WWC2: variants seen among roughly 807,000 people sequenced by gnomAD.
WWC2 encodes the protein WW and C2 domain containing 2.
WWC2 carries 101 observed loss-of-function variants against 138.5 expected under a neutral mutation model. That is an observed-to-expected ratio of 0.73 (90% CI 0.62 to 0.86). WWC2 has a LOEUF of 0.86. Among genes scored for constraint, WWC2 ranks in the 40% least tolerant of loss-of-function variants. WWC2 has a pLI of 0.00. For synonymous variants in WWC2, 558 were observed against 538.4 expected, an observed-to-expected ratio of 1.04 and a Z score of -0.50; for missense variants, 1,420 against 1,419.4, an observed-to-expected ratio of 1.00 and a Z score of -0.01.
chr4:183,289,714 A>G lies in WWC2; in HGVS notation c.3384+79A>G, dbSNP rs140125484. ...GTGCCATGTAGAAGGTACCCAACTT[A>G]CACTTCTGTTTTGCGCATAAGTCTT... On this transcript the variant is annotated intron_variant, in intron 21 of 22. Transcript: ENST00000403733. 6,000 of 1,547,452 alleles carry G rather than the reference A, an allele frequency of 3.9e-3. 14 individuals are homozygous for G. Among genetic ancestry groups the G allele is most frequent in the Non-Finnish European group, 4.8e-3 (5,584 of 1,151,888 alleles).
At chr4:183,243,954 G>A (rs1412539011) in intron 5 of WWC2, among the ~76,000 whole-genome samples, 2 of 152,072 alleles carry the variant, frequency 1.3e-5, no homozygotes, top group Admixed American at 6.6e-5. Context: ...TCTATAAACC[G>A]CTCTTGTTTG....
At chr4:183,183,636 A>G (rs1734707257) in intron 1 of WWC2, among the ~76,000 whole-genome samples, 1 of 152,030 alleles carries the variant, frequency 6.6e-6, no homozygotes, top group South Asian at 2.1e-4. Context: ...CATTTAGCCA[A>G]GCGTGTTGGT....
At chr4:183,107,262 A>G (rs895378125) in intron 1 of WWC2, among the ~76,000 whole-genome samples, 13 of 151,972 alleles carry the variant, frequency 8.6e-5, no homozygotes, top group Admixed American at 7.9e-4. Flanking sequence ...CCAGGGTTCA[A>G]CAGATCCTCC....
intron 1 of WWC2, among the ~76,000 whole-genome samples, chr4:183,139,987 T>G (rs1204428630): frequency 6.6e-6 from 1 of 152,102 alleles, no homozygotes; most frequent in Non-Finnish European, 1.5e-5. Context: ...CAATTTCGTA[T>G]TTTTAGTAGA....
chr4:183,136,073 G>A (rs1180310315), intron 1 of WWC2, among the ~76,000 whole-genome samples: 2 of 151,922 alleles, frequency 1.3e-5, no homozygotes, highest in South Asian at 2.1e-4. Flanking sequence ...TTTGATGTGT[G>A]TAGGTATGGG....
At chr4:183,257,433 G>C (rs150635859) in intron 9 of WWC2, among the ~76,000 whole-genome samples, 1 of 152,134 alleles carries the variant, frequency 6.6e-6, no homozygotes, top group African/African-American at 2.4e-5. Flanking sequence ...AGGTGTGAAG[G>C]CCCACACTTC....
At chr4:183,308,981 G>T (rs2111115985) in intron 21 of WWC2, among the ~76,000 whole-genome samples, 1 of 152,182 alleles carries the variant, frequency 6.6e-6, no homozygotes, top group South Asian at 2.1e-4. Context: ...ATCAAAAAAA[G>T]ATCATCTTTT....
At chr4:183,314,870 T>G (rs1739382621) in intron 22 of WWC2, among the ~76,000 whole-genome samples, 1 of 152,216 alleles carries the variant, frequency 6.6e-6, no homozygotes, top group South Asian at 2.1e-4. Flanking sequence ...TTCTTCTCTA[T>G]CCTTTCTTAG....
intron 21 of WWC2, among the ~76,000 whole-genome samples, chr4:183,299,098 G>A (rs1738737133): frequency 1.3e-5 from 2 of 151,740 alleles, no homozygotes; most frequent in South Asian, 4.1e-4. Context: ...GAAAGTCCAA[G>A]ATCCAGAGGC....
chr4:183,292,019 C>T (rs1738467192), intron 21 of WWC2, among the ~76,000 whole-genome samples: 1 of 107,758 alleles, frequency 9.3e-6, no homozygotes, highest in African/African-American at 3.2e-5. Context: ...GACCTTGTCT[C>T]TACAAAAAAA....
chr4:183,217,845 G>A (rs1055973016), intron 4 of WWC2, among the ~76,000 whole-genome samples: 14 of 151,864 alleles, frequency 9.2e-5, no homozygotes, highest in African/African-American at 3.4e-4. Flanking sequence ...AGCAGGGGAG[G>A]AAATCACAAC....
At chr4:183,104,139 T>G (rs1743278917) in intron 1 of WWC2, among the ~76,000 whole-genome samples, 2 of 152,056 alleles carry the variant, frequency 1.3e-5, no homozygotes, top group Non-Finnish European at 2.9e-5. Context: ...TTTCGTAGTT[T>G]TTTTTAGTAG....
At chr4:183,103,548 G>A (rs150604001) in intron 1 of WWC2, among the ~76,000 whole-genome samples, 1 of 149,532 alleles carries the variant, frequency 6.7e-6, no homozygotes, top group Non-Finnish European at 1.5e-5. Flanking sequence ...GGCTGGTCTC[G>A]AACTCCTGAC....
chr4:183,163,524 G>A (rs1258347957), intron 1 of WWC2, among the ~76,000 whole-genome samples: 2 of 152,204 alleles, frequency 1.3e-5, no homozygotes, highest in Admixed American at 6.5e-5. Flanking sequence ...GATCTGGTTT[G>A]GGGGCATGAC....
At position 183,223,795 on chromosome 4, in the gene WWC2, A is replaced by G. The variant is rs111750640; in HGVS notation, c.522+14770A>G. ...ACCCAGGCTGAAGGGCAGTGCGGCA[A>G]TCTCGGCTCACTGCAACGTCTGCCT... is the stretch of plus-strand genomic sequence containing the variant. On this transcript the variant is annotated intron_variant, in intron 4 of 22. Coordinates refer to ENST00000403733, the MANE Select transcript of WWC2 (RefSeq NM_024949.6). Among the ~76,000 whole-genome samples the G allele has an allele frequency of 1.6e-3, 246 of 152,258 alleles. 1 individual carries two copies. The highest frequency in any genetic ancestry group is 5.5e-3 in the African/African-American group (229 of 41,538).
chr4:183,124,400 C>T (rs954503549), intron 1 of WWC2, among the ~76,000 whole-genome samples: 5 of 151,218 alleles, frequency 3.3e-5, no homozygotes, highest in Non-Finnish European at 7.4e-5. Context: ...GTTACCTAAC[C>T]TCTCAGTTAT....
At chr4:183,255,726 T>C (rs1407647424) in intron 9 of WWC2, among the ~76,000 whole-genome samples, 2 of 152,098 alleles carry the variant, frequency 1.3e-5, no homozygotes, top group Non-Finnish European at 2.9e-5. Flanking sequence ...GGAGTAGAGC[T>C]TCCAAAAAAT....
chr4:183,214,661 A>G (rs1053373888), intron 4 of WWC2, among the ~76,000 whole-genome samples: 3 of 151,964 alleles, frequency 2.0e-5, no homozygotes, highest in Non-Finnish European at 2.9e-5. Flanking sequence ...GTGTGGTGGC[A>G]CATGCCCGTA....
chr4:183,309,950 GAAAGATGCCGTTCT>G (rs1739153805), intron 21 of WWC2, among the ~76,000 whole-genome samples: 1 of 152,206 alleles, frequency 6.6e-6, no homozygotes, highest in Non-Finnish European at 1.5e-5. Context: ...TACACCAAGT[GAAAGATGCCGTTCT>G]AAACAGGCAG....
Sources: gnomAD v4.1 joint callset for allele counts (sites outside exome capture counted in the v4.1 genomes callset) on GRCh38, gnomAD v4.1.1 for gene constraint, MANE v1.5 for transcripts, NCBI Gene and HGNC (gene_info 2026-07-23, HGNC 2026-07-21) for gene names.